Variants in GALNT14 observed in about 807,000 individuals in gnomAD.
GALNT14 encodes the protein polypeptide N-acetylgalactosaminyltransferase 14, also known as UDP-GalNAc:polypeptide N-acetylgalactosaminyltransferase 14.
A neutral mutation model predicts 77.5 loss-of-function variants in GALNT14; 60 were observed. That is an observed-to-expected ratio of 0.77 (90% CI 0.63 to 0.96). The LOEUF (loss-of-function observed/expected upper bound fraction) is 0.96, where lower values mean the gene tolerates loss of function less well. Among genes scored for constraint, GALNT14 ranks in the 40% least tolerant of loss-of-function variants. GALNT14 has a pLI of 0.00. For synonymous variants in GALNT14, 280 were observed against 281.7 expected, an observed-to-expected ratio of 0.99 and a Z score of 0.06; for missense variants, 710 against 731.0, an observed-to-expected ratio of 0.97 and a Z score of 0.33.
chr2:31,078,321 T>C (rs184365712), intron 1 of GALNT14, among the ~76,000 whole-genome samples: 6 of 152,272 alleles, frequency 3.9e-5, no homozygotes, highest in African/African-American at 1.2e-4. Flanking sequence ...GCTGTGAAAA[T>C]GTTAATGAGG....
chr2:30,902,162 G>A, the GALNT14 span, among the ~76,000 whole-genome samples: 2 of 152,172 alleles, frequency 1.3e-5, no homozygotes, highest in Admixed American at 1.3e-4. Flanking sequence ...CCCTGGGGCT[G>A]GAGAATGTCA....
chr2:30,945,891 A>G, intron 6 of GALNT14, 21 bp from the exon 7 acceptor site: 1 of 1,609,576 alleles, frequency 6.2e-7, no homozygotes, highest in Non-Finnish European at 8.5e-7. Context: ...ACAGACCCGC[A>G]CTTAGCTTAT....
intron 1 of GALNT14, among the ~76,000 whole-genome samples, chr2:31,118,868 T>C (rs1052103975): frequency 2.0e-5 from 3 of 152,152 alleles, no homozygotes; most frequent in African/African-American, 4.8e-5. Flanking sequence ...GACATTGCCA[T>C]AGTAAAAGAC....
intron 1 of GALNT14, among the ~76,000 whole-genome samples, chr2:31,135,424 T>A (rs1451858374): frequency 2.0e-5 from 3 of 151,766 alleles, no homozygotes; most frequent in Non-Finnish European, 4.4e-5. Flanking sequence ...ACCTAAGGAG[T>A]CTCTGTCTTT....
At chr2:31,058,479 G>C (rs750275706) in intron 1 of GALNT14, among the ~76,000 whole-genome samples, 3 of 152,076 alleles carry the variant, frequency 2.0e-5, no homozygotes, top group Non-Finnish European at 2.9e-5. Context: ...GATCATCAGG[G>C]TCAGAATCAT....
At chr2:30,962,656 G>T (rs141005680) in intron 3 of GALNT14, among the ~76,000 whole-genome samples, 1,615 of 152,262 alleles carry the variant, frequency 0.011, 29 homozygotes, top group South Asian at 0.078. Context: ...CTGTGTGCCC[G>T]ATTGAGCCTC....
chr2:30,910,805 C>G lies in GALNT14; in HGVS notation c.*96G>C. 1 of 1,361,746 alleles carries G rather than the reference C, an allele frequency of 7.3e-7. No homozygotes were observed. Among genetic ancestry groups the G allele is most frequent in the Non-Finnish European group, 1.0e-6 (1 of 988,588 alleles). The allele number at this position is 1,361,746 out of a possible 1,614,324, so 84.4% of individuals were successfully genotyped here. A position where few individuals can be genotyped will look rare whatever the true frequency, so the allele number is the denominator to read the frequency against. On this transcript the variant is annotated 3_prime_UTR_variant, in exon 15 of 15. Coordinates refer to ENST00000349752, the MANE Select transcript of GALNT14 (RefSeq NM_024572.4). ...GCCTCCACCTCCCAGTCCAGGATGT[C>G]TGAGGTGGTTGCAGGCTGCTTGCTG...
At chr2:30,950,790 C>T (rs1666980547) in intron 6 of GALNT14, among the ~76,000 whole-genome samples, 1 of 152,198 alleles carries the variant, frequency 6.6e-6, no homozygotes. Flanking sequence ...GCGTCGGCAG[C>T]AGGCAGACAT....
intron 6 of GALNT14, among the ~76,000 whole-genome samples, chr2:30,950,041 G>C (rs1018290860): frequency 6.6e-6 from 1 of 152,194 alleles, no homozygotes; most frequent in East Asian, 1.9e-4. Context: ...CTGGGGACTC[G>C]GTTTTTCATC....
At position 31,038,095 on chromosome 2, in the gene GALNT14, T is replaced by TATATATATATATATATAA. The variant is rs1558514701; in HGVS notation, c.130-45089_130-45088insTTATATATATATATATAT. Among the ~76,000 whole-genome samples the TATATATATATATATATAA allele has an allele frequency of 2.4e-5, 2 of 84,932 alleles. 1 individual carries two copies. The highest frequency in any genetic ancestry group is 4.5e-5 in the Non-Finnish European group (2 of 44,206). 55.7% of individuals were successfully genotyped at this position (84,932 alleles called of 152,430 possible). A position where few individuals can be genotyped will look rare whatever the true frequency, so the allele number is the denominator to read the frequency against. On this transcript the variant is annotated intron_variant, in intron 1 of 14. Coordinates refer to ENST00000349752, the MANE Select transcript of GALNT14 (RefSeq NM_024572.4). ...ATATATATATATATATTTTTTTTTT[T>TATATATATATATATATAA]TTTTTTTTTTTTTTTTTTAGATGGA... is the stretch of plus-strand genomic sequence containing the variant.
chr2:30,887,876 T>A, the GALNT14 span, among the ~76,000 whole-genome samples: 2 of 152,188 alleles, frequency 1.3e-5, no homozygotes, highest in African/African-American at 4.8e-5. Flanking sequence ...TTGAGCTAAT[T>A]TGTGTTTATA....
chr2:31,077,958 G>GC (rs1364321422), intron 1 of GALNT14, among the ~76,000 whole-genome samples: 1 of 152,208 alleles, frequency 6.6e-6, no homozygotes, highest in Admixed American at 6.5e-5. Context: ...GAGTTGTGGA[G>GC]CCTAACTTAA....
intron 3 of GALNT14, among the ~76,000 whole-genome samples, chr2:30,964,892 C>G (rs72855223): frequency 6.6e-6 from 1 of 152,126 alleles, no homozygotes; most frequent in Non-Finnish European, 1.5e-5. Flanking sequence ...CATGCGGCGG[C>G]GGGAGAGACA....
In GALNT14 at chr2:30,962,053, C is replaced by T. The variant is rs183695004; in HGVS notation, c.399-3589G>A. ...TGTGTTTTAATAAGCCCTCCGGGAGCTTCTGAAGCCTGCTCAAGTTTGAGA... is the reference window on the plus strand; with the variant it reads ...TGTGTTTTAATAAGCCCTCCGGGAGTTTCTGAAGCCTGCTCAAGTTTGAGA... On this transcript the variant is annotated intron_variant, in intron 3 of 14. Coordinates refer to ENST00000349752, the MANE Select transcript of GALNT14 (RefSeq NM_024572.4). Among the ~76,000 whole-genome samples the T allele has an allele frequency of 3.9e-5, 6 of 152,226 alleles. No homozygotes were observed. The East Asian group carries it at 7.7e-4, about 20-fold the overall frequency.
chr2:31,100,384 A>G (rs1159023795), intron 1 of GALNT14, among the ~76,000 whole-genome samples: 3 of 152,100 alleles, frequency 2.0e-5, no homozygotes, highest in African/African-American at 7.2e-5. Flanking sequence ...GTATATGTGA[A>G]AAGTATTAAT....
chr2:31,105,669 G>A (rs1677519319), intron 1 of GALNT14, among the ~76,000 whole-genome samples: 1 of 151,884 alleles, frequency 6.6e-6, no homozygotes, highest in Non-Finnish European at 1.5e-5. Flanking sequence ...AGGTTACAGT[G>A]AGCCAAGATC....
At chr2:31,137,382 G>A (rs1055104703) in intron 1 of GALNT14, among the ~76,000 whole-genome samples, 6 of 152,206 alleles carry the variant, frequency 3.9e-5, no homozygotes, top group Non-Finnish European at 7.3e-5. Flanking sequence ...AGGCTCTTTC[G>A]TGGTGTTCTG....
At chr2:31,133,943 T>C (rs1427386874) in intron 1 of GALNT14, among the ~76,000 whole-genome samples, 1 of 152,214 alleles carries the variant, frequency 6.6e-6, no homozygotes, top group East Asian at 1.9e-4. Flanking sequence ...AATCAGCCCT[T>C]CTTGAAACTA....
intron 1 of GALNT14, among the ~76,000 whole-genome samples, chr2:31,099,382 T>C (rs1445219012): frequency 1.3e-5 from 2 of 152,118 alleles, no homozygotes; most frequent in Non-Finnish European, 2.9e-5. Context: ...AGTTTACTTA[T>C]GTAGATTCTT....
Sources: gnomAD v4.1 joint callset for allele counts (sites outside exome capture counted in the v4.1 genomes callset) on GRCh38, gnomAD v4.1.1 for gene constraint, MANE v1.5 for transcripts, NCBI Gene and HGNC (gene_info 2026-07-23, HGNC 2026-07-21) for gene names.